The following FRMD4A variants were observed in gnomAD, a reference collection of about 807,000 sequenced individuals.
FRMD4A encodes the protein FERM domain-containing protein 4A.
A neutral mutation model predicts 129.1 loss-of-function variants in FRMD4A; 29 were observed. The observed-to-expected ratio is 0.22, with a 90% confidence interval of 0.17 to 0.31. The LOEUF is 0.31. FRMD4A is among the 10% of genes least tolerant of loss of function. FRMD4A has a pLI of 1.00. For synonymous variants in FRMD4A, 634 were observed against 571.6 expected (o/e 1.11, Z -1.56); for missense variants, 1,272 against 1,375.8 (o/e 0.92, Z 1.19).
chr10:14,204,122 C>G (rs950596234), intron 2 of FRMD4A, among the ~76,000 whole-genome samples: 7 of 152,120 alleles, frequency 4.6e-5, no homozygotes, highest in African/African-American at 1.2e-4. Context: ...AGGAGAGACT[C>G]ACTTAGAGGT....
At chr10:13,944,428 C>G (rs2095316855) in intron 2 of FRMD4A, among the ~76,000 whole-genome samples, 1 of 151,888 alleles carries the variant, frequency 6.6e-6, no homozygotes, top group Non-Finnish European at 1.5e-5. Context: ...TTCAGGGTTC[C>G]CACTGATTCT....
chr10:14,169,398 T>A (rs1187167924), intron 2 of FRMD4A, among the ~76,000 whole-genome samples: 1 of 152,182 alleles, frequency 6.6e-6, no homozygotes, highest in Admixed American at 6.5e-5. Context: ...TCTTGCCTAT[T>A]CTGTAGGATT....
rs1006298829 is a variant in FRMD4A at position 14,222,287 on chromosome 10, C to T, written c.45+107771G>A. ...ATAATTATCAACAAACCTCAGTGAG[C>T]CTTGCTTAGCAAAAGGTCTCATTAT... On this transcript the variant is annotated intron_variant, in intron 2 of 24. Transcript: ENST00000357447. 5.9e-5 allele frequency among the ~76,000 whole-genome samples: 9 copies of T among 152,302 alleles called. 1 individual carries two copies. In the South Asian group the frequency reaches 1.0e-3, roughly 18 times the overall value.
intron 2 of FRMD4A, among the ~76,000 whole-genome samples, chr10:14,103,779 T>C (rs1837433859): frequency 1.3e-5 from 2 of 152,208 alleles, no homozygotes; most frequent in Admixed American, 1.3e-4. Flanking sequence ...GAATAATTAG[T>C]TGGAAGGTCA....
intron 2 of FRMD4A, among the ~76,000 whole-genome samples, chr10:14,293,978 G>C (rs746893315): frequency 4.6e-5 from 7 of 152,126 alleles, no homozygotes; most frequent in Non-Finnish European, 8.8e-5. Context: ...CAGTTATATA[G>C]AGTTAGGCAA....
At chr10:14,102,918 C>T (rs1837384440) in intron 2 of FRMD4A, among the ~76,000 whole-genome samples, 1 of 152,170 alleles carries the variant, frequency 6.6e-6, no homozygotes, top group African/African-American at 2.4e-5. Flanking sequence ...TTATATCTGG[C>T]ACAGTGATTA....
At chr10:13,825,321 T>A (rs1033222802) in intron 3 of FRMD4A, among the ~76,000 whole-genome samples, 1 of 152,040 alleles carries the variant, frequency 6.6e-6, no homozygotes, top group South Asian at 2.1e-4. Flanking sequence ...GTGGGGAGCG[T>A]CAACACTAGG....
At chr10:13,680,466 G>A (rs1180434938) in intron 15 of FRMD4A, among the ~76,000 whole-genome samples, 2 of 151,290 alleles carry the variant, frequency 1.3e-5, no homozygotes, top group Admixed American at 1.3e-4. Context: ...CGTGGCTCAT[G>A]CCTATAATCC....
At chr10:14,169,100 T>C (rs563135403) in intron 2 of FRMD4A, among the ~76,000 whole-genome samples, 4 of 88,608 alleles carry the variant, frequency 4.5e-5, no homozygotes, top group Admixed American at 2.8e-4. Context: ...TCTGGTTTTA[T>C]TGGCTTTATG....
intron 3 of FRMD4A, among the ~76,000 whole-genome samples, chr10:13,816,216 G>A (rs2093539813): frequency 1.3e-5 from 2 of 152,182 alleles, no homozygotes; most frequent in South Asian, 4.1e-4. Flanking sequence ...TTTACAAATG[G>A]AGAAGTAAAG....
intron 2 of FRMD4A, among the ~76,000 whole-genome samples, chr10:14,303,074 G>C (rs1846237199): frequency 6.6e-6 from 1 of 152,146 alleles, no homozygotes; most frequent in Non-Finnish European, 1.5e-5. Flanking sequence ...GCAGATCCTG[G>C]CCTCAGCTGC....
At chr10:14,166,630 C>T (rs950720788) in intron 2 of FRMD4A, among the ~76,000 whole-genome samples, 14 of 152,194 alleles carry the variant, frequency 9.2e-5, no homozygotes, top group Non-Finnish European at 1.5e-4. Flanking sequence ...CTGGTAGAGC[C>T]CCCTTTACAC....
At chr10:13,853,964 G>A (rs1056002673) in intron 3 of FRMD4A, among the ~76,000 whole-genome samples, 6 of 152,020 alleles carry the variant, frequency 3.9e-5, no homozygotes, top group Non-Finnish European at 5.9e-5. Flanking sequence ...CGGTTTTTCT[G>A]GCACTGGGCA....
At chr10:13,943,354 A>G (rs1214244980) in intron 2 of FRMD4A, among the ~76,000 whole-genome samples, 1 of 152,096 alleles carries the variant, frequency 6.6e-6, no homozygotes, top group Non-Finnish European at 1.5e-5. Context: ...TTTGTTGAAA[A>G]GGAGACCCAC....
At chr10:13,750,117 A>AAAGAAAGAAAGAAATG (rs1564739529) in intron 8 of FRMD4A, among the ~76,000 whole-genome samples, 64 of 133,190 alleles carry the variant, frequency 4.8e-4, no homozygotes, top group Middle Eastern at 4.2e-3. Context: ...ATGAAGAAAG[A>AAAGAAAGAAAGAAATG]AAGAAAGAAA....
chr10:14,014,180 C>T (rs11258795), intron 2 of FRMD4A, among the ~76,000 whole-genome samples: 58,648 of 151,900 alleles, frequency 0.39, 13,173 homozygotes, highest in Non-Finnish European at 0.52. Flanking sequence ...GAGAAACCGT[C>T]GCTTTGATGG....
chr10:14,181,591 T>C (rs1841915420), intron 2 of FRMD4A, among the ~76,000 whole-genome samples: 1 of 152,230 alleles, frequency 6.6e-6, no homozygotes, highest in African/African-American at 2.4e-5. Context: ...CGACAGAAAT[T>C]ATGTAGGGAA....
chr10:14,148,513 C>A (rs890102628), intron 2 of FRMD4A, among the ~76,000 whole-genome samples: 1 of 152,128 alleles, frequency 6.6e-6, no homozygotes, highest in Non-Finnish European at 1.5e-5. Context: ...CCTGTAATCC[C>A]AGCACTTTGG....
At chr10:13,984,042 T>C (rs1439979982) in intron 2 of FRMD4A, among the ~76,000 whole-genome samples, 1 of 150,686 alleles carries the variant, frequency 6.6e-6, no homozygotes, top group Non-Finnish European at 1.5e-5. Context: ...CTCACTCAGC[T>C]GGAACTAGGG....
Sources: allele counts gnomAD v4.1 joint callset (sites outside exome capture counted in the v4.1 genomes callset), GRCh38; gene constraint gnomAD v4.1.1; transcripts MANE v1.5; gene names NCBI Gene and HGNC (gene_info 2026-07-23, HGNC 2026-07-21).